The following CFAP70 variants were observed in gnomAD, a reference collection of about 807,000 sequenced individuals.
CFAP70 encodes cilia- and flagella-associated protein 70.
CFAP70 carries 81 observed loss-of-function variants against 137.6 expected under a neutral mutation model. That is an observed-to-expected ratio of 0.59 (90% CI 0.49 to 0.71). The LOEUF is 0.71. Ranked by LOEUF, CFAP70 falls within the 30% of genes least tolerant of loss-of-function variation. The probability of loss-of-function intolerance (pLI) is 0.00; values close to 1 mark genes in which losing one functional copy is unlikely to be tolerated. For synonymous variants in CFAP70, 382 were observed against 423.6 expected (o/e 0.90, Z 1.20); for missense variants, 976 against 1,226.7 (o/e 0.80, Z 3.05).
intron 9 of CFAP70, among the ~76,000 whole-genome samples, chr10:73,316,998 C>T (rs977909999): frequency 2.6e-5 from 4 of 152,036 alleles, no homozygotes; most frequent in Admixed American, 2.6e-4. Flanking sequence ...CAGCATTTAT[C>T]TGGGGATGTC....
chr10:73,265,618 C>T (rs2045680429), intron 25 of CFAP70, among the ~76,000 whole-genome samples: 1 of 152,174 alleles, frequency 6.6e-6, no homozygotes, highest in Admixed American at 6.5e-5. Flanking sequence ...TAATTAATAA[C>T]TTGCGCACGC....
chr10:73,292,867 C>T (rs1020859459), intron 16 of CFAP70, among the ~76,000 whole-genome samples: 4 of 151,972 alleles, frequency 2.6e-5, no homozygotes, highest in African/African-American at 2.4e-5. Context: ...TTTCTTTGAT[C>T]GATCATGCTT....
At chr10:73,281,001 T>C (rs1355128200) in intron 19 of CFAP70, among the ~76,000 whole-genome samples, 1 of 152,190 alleles carries the variant, frequency 6.6e-6, no homozygotes, top group East Asian at 1.9e-4. Flanking sequence ...AGATCATTGA[T>C]TTTAGACTTC....
rs149669117 is a variant in CFAP70, at chr10:73,322,993, G to A, written c.882C>T (p.Tyr294=). 9.7e-5 allele frequency: 156 copies of A among 1,613,370 alleles called. No homozygotes were observed. The African/African-American group carries it at 1.6e-3, about 16-fold the overall frequency. Residue 294 remains tyrosine, a synonymous_variant, in exon 9 of 27, where the codon TAC becomes TAT. Coordinates refer to ENST00000310715, the Ensembl canonical transcript of CFAP70. Reference sequence around the variant, plus strand: ...CATGGACTACACTGTCTAGGTAAGGGTAAACATGAAAAGCTCCCCGAATTC... The same window carrying A: ...CATGGACTACACTGTCTAGGTAAGGATAAACATGAAAAGCTCCCCGAATTC...
chr10:73,288,405 T>C (rs1473354358), intron 19 of CFAP70, among the ~76,000 whole-genome samples: 1 of 152,184 alleles, frequency 6.6e-6, no homozygotes, highest in Non-Finnish European at 1.5e-5. Flanking sequence ...TAAACATTGA[T>C]ATTGATGTGT....
In CFAP70 at chr10:73,284,766, A is replaced by C. The variant is rs1395271136; in HGVS notation, c.2240-6429T>G. The stretch of plus-strand genomic sequence containing the variant: ...TATATATATATATATATATATATAT[A>C]TATATATATATATATATATATATAT... On this transcript the variant is annotated intron_variant, in intron 19 of 26. Transcript: ENST00000310715. Among the ~76,000 whole-genome samples the C allele has an allele frequency of 1.6e-3, 53 of 33,932 alleles. 5 individuals are homozygous for C. The highest frequency in any genetic ancestry group is 7.2e-3 in the African/African-American group (51 of 7,064). The allele number at this position is 33,932 out of a possible 152,430, so 22.3% of individuals were successfully genotyped here.
At chr10:73,329,949 C>G (rs1252279654) in intron 8 of CFAP70, among the ~76,000 whole-genome samples, 1 of 152,156 alleles carries the variant, frequency 6.6e-6, no homozygotes, top group Non-Finnish European at 1.5e-5. Context: ...ATTTACCATA[C>G]TTGATCTCAT....
intron 9 of CFAP70, 113 bp downstream of exon 10, chr10:73,322,850 G>T: frequency 1.2e-6 from 1 of 863,772 alleles, no homozygotes; most frequent in South Asian, 2.4e-5. Flanking sequence ...TAATATCCTA[G>T]TATACCAACT....
chr10:73,296,456 T>C (rs941598444), intron 15 of CFAP70: 29 of 152,282 alleles, frequency 1.9e-4, no homozygotes, highest in African/African-American at 6.8e-4. Flanking sequence ...CACAGATGGT[T>C]AGACACTACC....
At chr10:73,303,199 A>C (rs2132019729) in intron 12 of CFAP70, among the ~76,000 whole-genome samples, 1 of 150,400 alleles carries the variant, frequency 6.6e-6, no homozygotes, top group African/African-American at 2.4e-5. Context: ...ACCCAGCCTA[A>C]GTACAATTTT....
chr10:73,351,962 C>G (rs530620336), intron 3 of CFAP70, among the ~76,000 whole-genome samples: 2 of 152,220 alleles, frequency 1.3e-5, no homozygotes, highest in Non-Finnish European at 2.9e-5. Flanking sequence ...CCTCTGACAC[C>G]TGATGGAGGC....
intron 19 of CFAP70, among the ~76,000 whole-genome samples, chr10:73,279,415 T>G (rs879334926): frequency 2.8e-4 from 43 of 151,670 alleles, no homozygotes; most frequent in Admixed American, 5.3e-4. Context: ...TCCCAGCTAC[T>G]CGGGAAGCTG....
chr10:73,291,951 T>A (rs2048210202), exon 17 of CFAP70: 3 of 1,614,042 alleles, frequency 1.9e-6, no homozygotes, highest in African/African-American at 1.3e-5. Flanking sequence ...TTGTCTTCAG[T>A]TAGGAGGCAG....
chr10:73,275,445 C>G lies in CFAP70; in HGVS notation c.2673+1G>C. 1 of 1,595,656 alleles carries G rather than the reference C, an allele frequency of 6.3e-7. No individual in the cohort carries two copies. The highest frequency in any genetic ancestry group is 1.4e-5 in the African/African-American group (1 of 74,062). ...CAAGAGGCTTTAGCAAAAGTCATTACCAGGTAGTCCATCTGGGCTGCTTGT... is the reference window on the plus strand; with the variant it reads ...CAAGAGGCTTTAGCAAAAGTCATTAGCAGGTAGTCCATCTGGGCTGCTTGT... On this transcript the variant is annotated splice_donor_variant, in intron 22 of 26. Coordinates refer to ENST00000310715, the Ensembl canonical transcript of CFAP70. LOFTEE classifies it high-confidence loss of function. This position sits in a 1 kb window ranked among gnomAD's most constrained non-coding sequence, Gnocchi z 4.0.
chr10:73,291,728 G>C (rs746565565), exon 18 of CFAP70: 7 of 1,613,950 alleles, frequency 4.3e-6, no homozygotes, highest in Admixed American at 3.3e-5. Flanking sequence ...TCTCCAACAG[G>C]ACAGCCAGGA....
intron 9 of CFAP70, among the ~76,000 whole-genome samples, chr10:73,318,324 A>G (rs573383677): frequency 5.1e-4 from 78 of 152,170 alleles, no homozygotes; most frequent in Non-Finnish European, 9.3e-4. Flanking sequence ...ATAGCCAGAG[A>G]TATTTCCTTT....
intron 4 of CFAP70, among the ~76,000 whole-genome samples, chr10:73,345,533 T>C (rs1478330400): frequency 1.3e-5 from 2 of 152,100 alleles, no homozygotes; most frequent in Non-Finnish European, 2.9e-5. Context: ...TGGCCAGGCA[T>C]GATGGCTCAC....
intron 25 of CFAP70, among the ~76,000 whole-genome samples, chr10:73,265,321 A>C (rs1377724240): frequency 7.5e-6 from 1 of 133,182 alleles, no homozygotes; most frequent in East Asian, 2.0e-4. Context: ...ACTCCATCTC[A>C]AAAAAAAAAA....
intron 25 of CFAP70, among the ~76,000 whole-genome samples, chr10:73,266,241 T>C (rs758958379): frequency 1.2e-4 from 18 of 152,190 alleles, no homozygotes; most frequent in African/African-American, 1.9e-4. Flanking sequence ...ATTTATATTA[T>C]TCAAAAGTCA....
Sources: gnomAD v4.1 joint callset for allele counts (sites outside exome capture counted in the v4.1 genomes callset) on GRCh38, gnomAD v4.1.1 for gene constraint, Gnocchi (gnomAD v3.1) non-coding constraint, MANE v1.5 for transcripts, NCBI Gene and HGNC (gene_info 2026-07-23, HGNC 2026-07-21) for gene names.